Variants in DMD observed in about 807,000 individuals in gnomAD.
DMD encodes the protein mutant dystrophin.
Under a neutral mutation model 330.1 loss-of-function variants are expected in DMD, and 63 were observed. That is an observed-to-expected ratio of 0.19 (90% CI 0.16 to 0.24). The LOEUF (loss-of-function observed/expected upper bound fraction) is 0.24. Among genes scored for constraint, DMD ranks in the 10% least tolerant of loss-of-function variants. The probability of loss-of-function intolerance (pLI) is 1.00; values close to 1 mark genes in which losing one functional copy is unlikely to be tolerated. For synonymous variants in DMD, 1,223 were observed against 959.8 expected (o/e 1.27, Z -5.07); for missense variants, 3,344 against 2,684.1 (o/e 1.25, Z -5.43).
intron 1 of DMD, among the ~76,000 whole-genome samples, chrX:33,168,998 T>TA (rs1569557169): frequency 9.2e-6 from 1 of 108,746 alleles, no homozygotes; most frequent in Non-Finnish European, 1.9e-5. Flanking sequence ...GAAGATAGGT[T>TA]TTTTTTTTTG....
In DMD at chrX:31,793,015, C is replaced by G. The variant is rs1298427220; in HGVS notation, c.7310-18823G>C. On this transcript the variant is annotated intron_variant, in intron 50 of 78. Transcript: ENST00000357033. ...GGGATTGTACTGCCGATGAAAGTGG[C>G]TCTCAGTGGGAAGGGGAGCTGAAAA... 1.8e-5 allele frequency among the ~76,000 whole-genome samples: 2 copies of G among 108,233 alleles called. 1 individual carries two copies. Among genetic ancestry groups the G allele is most frequent in the South Asian group, 7.8e-4 (2 of 2,580 alleles). The allele number at this position is 108,233 out of a possible 115,157, so 94.0% of individuals were successfully genotyped here.
At chrX:32,242,711 C>T (rs73619043) in intron 43 of DMD, among the ~76,000 whole-genome samples, 5,874 of 110,872 alleles carry the variant, frequency 0.053, 362 homozygotes, top group African/African-American at 0.18. Flanking sequence ...TGTTCTAAAA[C>T]ATTATAATAC....
At chrX:31,896,480 G>T (rs769273443) in intron 47 of DMD, among the ~76,000 whole-genome samples, 9 of 111,216 alleles carry the variant, frequency 8.1e-5, no homozygotes, top group Non-Finnish European at 1.1e-4. Flanking sequence ...TGATGTATGT[G>T]GTTATCTGTC....
rs1414172374 is a variant in DMD, at chrX:32,844,863, G to A, written c.187-3C>T. The A allele has an allele frequency of 8.3e-7, 1 of 1,204,616 alleles. No homozygotes were observed. Among genetic ancestry groups the A allele is most frequent in the South Asian group, 1.8e-5 (1 of 56,805 alleles). ...CTTGTGGATCCTTTTTCTTTTGGCT[G>A]AGAACAAAACAAAAGAGTGTTCACT... On this transcript the variant is annotated splice_polypyrimidine_tract_variant and splice_region_variant and intron_variant, in intron 3 of 78. Coordinates refer to ENST00000357033, the MANE Select transcript of DMD (RefSeq NM_004006.3).
chrX:31,711,178 A>T (rs1266454747), intron 52 of DMD, among the ~76,000 whole-genome samples: 3 of 111,416 alleles, frequency 2.7e-5, no homozygotes, highest in Non-Finnish European at 5.7e-5. Context: ...ATGTTTCCTC[A>T]GGAGAATTTA....
intron 41 of DMD, among the ~76,000 whole-genome samples, chrX:32,334,855 A>C (rs191269252): frequency 1.8e-5 from 2 of 111,757 alleles, no homozygotes; most frequent in East Asian, 5.7e-4. Context: ...GAGTAAGGAA[A>C]GTTTGCTTAA....
intron 29 of DMD, among the ~76,000 whole-genome samples, chrX:32,433,201 C>T (rs1295826282): frequency 8.9e-6 from 1 of 111,834 alleles, no homozygotes; most frequent in African/African-American, 3.3e-5. Flanking sequence ...CGTTAATTGC[C>T]ATATTCACTT....
intron 2 of DMD, among the ~76,000 whole-genome samples, chrX:32,889,147 A>T (rs1367162795): frequency 9.1e-6 from 1 of 109,988 alleles, no homozygotes; most frequent in Non-Finnish European, 1.9e-5. Flanking sequence ...ATGCAACAAG[A>T]CTCCAAAGTT....
chrX:31,384,457 T>C (rs182286038), intron 60 of DMD, among the ~76,000 whole-genome samples: 1 of 111,682 alleles, frequency 9.0e-6, no homozygotes, highest in East Asian at 2.8e-4. Flanking sequence ...TATAAATTCA[T>C]GGTGAAGTAC....
Position 32,645,077 on chromosome X carries a change from T to C in DMD, c.1036A>G (p.Thr346Ala), listed in dbSNP as rs2059698763. 1 of 1,210,028 alleles carries C rather than the reference T, an allele frequency of 8.3e-7. No individual in the cohort carries two copies. The highest frequency in any genetic ancestry group is 1.1e-6 in the Non-Finnish European group (1 of 895,249). The stretch of plus-strand genomic sequence containing the variant: ...CACGATAATACTTCTTCTAAAGCTG[T>C]TTGATAACGGTCCAGGTTTACTTCA... ...ESEVNLDRYQ[T>A]ALEEVLSWLL... The change falls in exon 10 of 79, where the codon ACA (threonine) becomes GCA (alanine). Residue 346 changes from threonine to alanine, a missense_variant. Physicochemically the swap from Thr to Ala is moderately conservative, Grantham distance 58. Transcript: ENST00000357033.
intron 9 of DMD, 22 bp downstream of exon 9, chrX:32,697,848 C>A: frequency 8.3e-7 from 1 of 1,210,009 alleles, no homozygotes; most frequent in Non-Finnish European, 1.1e-6. Context: ...GTTTGTACAA[C>A]AGAGAGTAAA....
chrX:32,617,923 A>G (rs922891913), intron 11 of DMD, among the ~76,000 whole-genome samples: 5 of 111,783 alleles, frequency 4.5e-5, no homozygotes, highest in Non-Finnish European at 9.4e-5. Flanking sequence ...ACCAAAATAG[A>G]CATTTATCAT....
At chrX:32,580,216 T>A (rs1337182556) in intron 13 of DMD, among the ~76,000 whole-genome samples, 6 of 111,409 alleles carry the variant, frequency 5.4e-5, no homozygotes, top group Admixed American at 9.6e-5. Flanking sequence ...CCTCGCAGAC[T>A]CTGAGCTCCT....
chrX:31,454,998 G>A (rs2066060013), intron 59 of DMD, among the ~76,000 whole-genome samples: 1 of 93,745 alleles, frequency 1.1e-5, no homozygotes, highest in Non-Finnish European at 2.1e-5. Context: ...ATGTTTTCCA[G>A]GCTGGTCTCA....
At chrX:32,343,397 G>T (rs766220132) in intron 39 of DMD, 111 bp from the exon 40 acceptor site, 2 of 719,829 alleles carry the variant, frequency 2.8e-6, no homozygotes, top group Admixed American at 3.2e-5. Flanking sequence ...TACAACTTAG[G>T]TTAAAATCAT....
intron 44 of DMD, among the ~76,000 whole-genome samples, chrX:32,083,785 A>T (rs113166270): frequency 0.052 from 5,771 of 112,039 alleles, 136 homozygotes; most frequent in South Asian, 0.13. Context: ...TTCATTTACA[A>T]CTTCTGCCTG....
chrX:31,998,202 C>T (rs2095602482), intron 44 of DMD, among the ~76,000 whole-genome samples: 1 of 111,666 alleles, frequency 9.0e-6, no homozygotes, highest in South Asian at 3.7e-4. Context: ...TTTCAAGTAT[C>T]CTAACAGTTA....
At chrX:32,485,284 G>A (rs2042304856) in intron 20 of DMD, among the ~76,000 whole-genome samples, 185 bp from the exon 21 acceptor site, 1 of 111,389 alleles carries the variant, frequency 9.0e-6, no homozygotes, top group Non-Finnish European at 1.9e-5. Flanking sequence ...GGATACCTTG[G>A]CTCTTTGTTC....
At chrX:31,707,603 T>C (rs900906102) in intron 52 of DMD, among the ~76,000 whole-genome samples, 3 of 111,528 alleles carry the variant, frequency 2.7e-5, no homozygotes, top group African/African-American at 9.8e-5. Flanking sequence ...ATGCACCTTC[T>C]GTATCTAAAA....
Sources: allele counts gnomAD v4.1 joint callset (sites outside exome capture counted in the v4.1 genomes callset), GRCh38; gene constraint gnomAD v4.1.1; transcripts MANE v1.5; gene names NCBI Gene and HGNC (gene_info 2026-07-23, HGNC 2026-07-21).